HERC2: variants seen among roughly 807,000 people sequenced by gnomAD.
HERC2 encodes HECT and RLD domain containing E3 ubiquitin protein ligase 2, also known as E3 ubiquitin-protein ligase HERC2.
In HERC2, 102 loss-of-function variants were observed where a neutral mutation model predicts 537.7. The observed-to-expected ratio is 0.19, with a 90% CI of 0.16 to 0.22. The LOEUF is 0.22. Ranked by LOEUF, HERC2 falls within the 10% of genes least tolerant of loss-of-function variation. The probability of loss-of-function intolerance (pLI) is 1.00; values close to 1 mark genes in which losing one functional copy is unlikely to be tolerated. For missense variants in HERC2, 4,236 were observed against 6,198.2 expected (o/e 0.68, Z 10.63); for synonymous variants, 2,224 against 2,466.2 (o/e 0.90, Z 2.91).
intron 48 of HERC2, among the ~76,000 whole-genome samples, chr15:28,200,520 G>A (rs1341519626): frequency 6.6e-6 from 1 of 152,144 alleles, no homozygotes; most frequent in Admixed American, 6.6e-5. Context: ...ATAAATGTCT[G>A]TTGTTGAAGC....
chr15:28,125,571 G>A (rs1283008009), intron 83 of HERC2, among the ~76,000 whole-genome samples: 4 of 152,112 alleles, frequency 2.6e-5, no homozygotes, highest in Non-Finnish European at 4.4e-5. Flanking sequence ...GCAATATCCC[G>A]AACATCCCAA....
At chr15:28,204,213 A>C (rs1042064381) in intron 45 of HERC2, among the ~76,000 whole-genome samples, 2 of 152,180 alleles carry the variant, frequency 1.3e-5, no homozygotes, top group Non-Finnish European at 2.9e-5. Flanking sequence ...ATAACTGACT[A>C]TAATCAAGGA....
rs1171413949 is a variant in HERC2, at chr15:28,175,491, CCAGGCCACCTG to C, written c.9831+10_9831+20del. 1 of 1,600,394 alleles carries C rather than the reference CCAGGCCACCTG, an allele frequency of 6.2e-7. No individual in the cohort carries two copies. The highest frequency in any genetic ancestry group is 2.3e-5 in the East Asian group (1 of 44,392). ...CCCAAGTCAGGATGGCACGCCACCC[CCAGGCCACCTG>C]CAGCCTTACCTGCCCCGAGTCCGTG... On this transcript the variant is annotated intron_variant, in intron 64 of 92. Transcript: ENST00000261609.
At position 28,209,023 on chromosome 15, in the gene HERC2, T is replaced by C. The variant is rs1339292099; in HGVS notation, c.7069+1979A>G. ...TATTAAAAGTGACACAAGCTCATTCTAGAAAACTAAATATAGAGAAATATA... is the reference window on the plus strand; with the variant it reads ...TATTAAAAGTGACACAAGCTCATTCCAGAAAACTAAATATAGAGAAATATA... On this transcript the variant is annotated intron_variant, in intron 44 of 92. Transcript: ENST00000261609. Among the ~76,000 whole-genome samples, 5 of 152,224 alleles carry C rather than the reference T, an allele frequency of 3.3e-5. No homozygotes were observed. In the East Asian group the frequency reaches 7.7e-4, roughly 23 times the overall value.
At chr15:28,210,375 C>T (rs991417555) in intron 44 of HERC2, among the ~76,000 whole-genome samples, 4 of 151,962 alleles carry the variant, frequency 2.6e-5, no homozygotes, top group African/African-American at 7.3e-5. Context: ...CCTCGTGATC[C>T]GCCGCCCGCC....
In HERC2 at chr15:28,111,622, T is replaced by TC; in HGVS notation, c.*140dup. 1.2e-6 allele frequency: 1 copy of TC among 820,940 alleles called. No individual in the cohort carries two copies. Among genetic ancestry groups the TC allele is most frequent in the South Asian group, 1.8e-5 (1 of 56,266 alleles). 50.9% of individuals were successfully genotyped at this position (820,940 alleles called of 1,614,324 possible). On this transcript the variant is annotated 3_prime_UTR_variant, in exon 93 of 93. Coordinates refer to ENST00000261609, the MANE Select transcript of HERC2 (RefSeq NM_004667.6). Reference sequence around the variant, plus strand: ...TCACTGTCATTCCCATCACGGCCAGTCAGTCTCTCCACTCCCTCCTCCCGC... The same window carrying TC: ...TCACTGTCATTCCCATCACGGCCAGTCCAGTCTCTCCACTCCCTCCTCCCGC...
At chr15:28,117,742 C>T (rs988099475) in intron 86 of HERC2, 3 of 363,640 alleles carry the variant, frequency 8.2e-6, no homozygotes, top group African/African-American at 6.4e-5. Flanking sequence ...CTCCCCAACA[C>T]AGGCAGTCAC....
At chr15:28,307,157 A>G (rs1422444241) in intron 2 of HERC2, among the ~76,000 whole-genome samples, 1 of 152,138 alleles carries the variant, frequency 6.6e-6, no homozygotes, top group East Asian at 1.9e-4. Flanking sequence ...TATTTCTTCC[A>G]CGTTTCCCAA....
chr15:28,113,122 C>T lies in HERC2; in HGVS notation c.14181G>A (p.Thr4727=), dbSNP rs145193373. 1.7e-4 allele frequency: 281 copies of T among 1,613,886 alleles called. No homozygotes were observed. In the African/African-American group the frequency reaches 3.3e-3, roughly 19 times the overall value. ...AGTCGGCGATGGTCCTGGGCAGCCTCGTCCGGCCCCAGACGAAGCGAAGGA... is the reference window on the plus strand; with the variant it reads ...AGTCGGCGATGGTCCTGGGCAGCCTTGTCCGGCCCCAGACGAAGCGAAGGA... ...SLFLRFVWGR[T]RLPRTIADFR... Residue 4727 remains threonine, a synonymous_variant, in exon 92 of 93, where the codon ACG becomes ACA. Transcript: ENST00000261609. This position sits in a 1 kb window ranked among gnomAD's most constrained non-coding sequence, Gnocchi z 7.0.
In HERC2 at chr15:28,228,287, C is replaced by T. The variant is rs146329700; in HGVS notation, c.5395G>A (p.Ala1799Thr). The change falls in exon 35 of 93, where the codon GCA (alanine) becomes ACA (threonine). Residue 1799 changes from alanine (A) to threonine (T), a missense_variant. By Grantham distance (58) the Ala-to-Thr change is moderately conservative. This residue lies in a region of HERC2 where 343 missense variants were observed against 417.2 expected (regional missense o/e 0.82). Transcript: ENST00000261609. ...TTGAGCAGAAGGTCGAGGTTGTTTG[C>T]GCCGTGCTGCAGGGTGAGCATGCTG... Reference protein sequence around the residue: ...MLSMLTLQHGANNLDLLLNSG... With the variant: ...MLSMLTLQHGTNNLDLLLNSG... The T allele has an allele frequency of 2.6e-5, 42 of 1,613,100 alleles. No homozygotes were observed. The highest frequency in any genetic ancestry group is 3.1e-5 in the Non-Finnish European group (37 of 1,179,866).
intron 35 of HERC2, among the ~76,000 whole-genome samples, chr15:28,227,785 T>C (rs1901371135): frequency 1.3e-5 from 2 of 152,220 alleles, no homozygotes; most frequent in African/African-American, 4.8e-5. Flanking sequence ...ATGTTATATA[T>C]TCATACAATG....
intron 20 of HERC2, among the ~76,000 whole-genome samples, chr15:28,254,072 T>C (rs2140880141): frequency 6.6e-6 from 1 of 152,056 alleles, no homozygotes; most frequent in Middle Eastern, 3.4e-3. Flanking sequence ...TCACCTGAGG[T>C]CAGGAGTTCA....
rs1194670042 is a variant in HERC2, at chr15:28,221,958, A to G, written c.5652+70T>C. 8.6e-6 allele frequency: 9 copies of G among 1,042,770 alleles called. No homozygotes were observed. The East Asian group carries it at 1.6e-4, about 19-fold the overall frequency. 64.6% of individuals were successfully genotyped at this position (1,042,770 alleles called of 1,614,324 possible). A position where few individuals can be genotyped will look rare whatever the true frequency, so the allele number is the denominator to read the frequency against. On this transcript the variant is annotated intron_variant, in intron 36 of 92. Coordinates refer to ENST00000261609, the MANE Select transcript of HERC2 (RefSeq NM_004667.6). ...TGGATTATTCCAATTTCCACCCACCAATATCGTACAGAACTGTGCAGAAGA... is the reference window on the plus strand; with the variant it reads ...TGGATTATTCCAATTTCCACCCACCGATATCGTACAGAACTGTGCAGAAGA...
chr15:28,284,895 C>T (rs1356577869), intron 4 of HERC2, among the ~76,000 whole-genome samples: 1 of 101,244 alleles, frequency 9.9e-6, no homozygotes, highest in South Asian at 3.3e-4. Context: ...CCTGCCTGGG[C>T]AAAAGGAGCG....
chr15:28,114,343 G>A (rs1307523959), intron 90 of HERC2, among the ~76,000 whole-genome samples: 6 of 152,208 alleles, frequency 3.9e-5, no homozygotes, highest in Admixed American at 6.5e-5. Flanking sequence ...AAAGCACACA[G>A]GGGCAAAAAC....
intron 2 of HERC2, 147 bp from the exon 3 acceptor site, chr15:28,299,663 A>G: frequency 3.3e-6 from 2 of 601,764 alleles, no homozygotes; most frequent in South Asian, 4.4e-5. Flanking sequence ...TAGTGATTTA[A>G]TCATTTTACA....
At chr15:28,150,850 A>G (rs532299564) in intron 70 of HERC2, among the ~76,000 whole-genome samples, 7 of 152,334 alleles carry the variant, frequency 4.6e-5, no homozygotes, top group Admixed American at 1.3e-4. Context: ...GGAAAAAGAC[A>G]TGATCCAAGG....
intron 20 of HERC2, among the ~76,000 whole-genome samples, chr15:28,250,993 A>G (rs1268717810): frequency 6.6e-6 from 1 of 152,192 alleles, no homozygotes; most frequent in Non-Finnish European, 1.5e-5. Flanking sequence ...CTGCTGTAGA[A>G]CCAATGTCCC....
At chr15:28,264,966 A>G (rs1026782283) in intron 14 of HERC2, among the ~76,000 whole-genome samples, 2 of 152,136 alleles carry the variant, frequency 1.3e-5, no homozygotes, top group African/African-American at 4.8e-5. Context: ...TCTTTCACCT[A>G]AGAAATGCCC....
Sources: allele counts gnomAD v4.1 joint callset (sites outside exome capture counted in the v4.1 genomes callset), GRCh38; gene constraint gnomAD v4.1.1; regional missense constraint gnomAD v4.1.1; non-coding constraint Gnocchi (gnomAD v3.1); transcripts MANE v1.5; gene names NCBI Gene and HGNC (gene_info 2026-07-23, HGNC 2026-07-21).